TTC23: variants seen among roughly 807,000 people sequenced by gnomAD.
TTC23 encodes tetratricopeptide repeat domain 23, also known as tetratricopeptide repeat protein 23.
In TTC23, 58 loss-of-function variants were observed where a neutral mutation model predicts 55.1. The observed-to-expected ratio is 1.05, with a 90% CI of 0.85 to 1.31. The LOEUF is 1.31. TTC23 is among the 50% of genes most tolerant of loss of function. The pLI, the probability that TTC23 is intolerant of heterozygous loss-of-function variation, is 0.00. For missense variants in TTC23, 516 were observed against 534.4 expected (o/e 0.97, Z 0.34); for synonymous variants, 203 against 199.9 (o/e 1.02, Z -0.13).
At chr15:99,175,657 C>G (rs1333478342) in intron 9 of TTC23, among the ~76,000 whole-genome samples, 1 of 152,230 alleles carries the variant, frequency 6.6e-6, no homozygotes, top group Non-Finnish European at 1.5e-5. Flanking sequence ...AGGGGAGCTG[C>G]CCAAGCACAG....
At chr15:99,152,277 G>C (rs2069882889) in intron 12 of TTC23, among the ~76,000 whole-genome samples, 1 of 152,200 alleles carries the variant, frequency 6.6e-6, no homozygotes, top group Admixed American at 6.5e-5. Flanking sequence ...CAGAAGCTGA[G>C]CAGATACCAG....
intron 9 of TTC23, among the ~76,000 whole-genome samples, chr15:99,199,404 CA>C (rs35189767): frequency 0.14 from 8,013 of 58,332 alleles, 187 homozygotes; most frequent in African/African-American, 0.26. Flanking sequence ...CCTGTCTCTC[CA>C]AAAAAAAAAA....
intron 9 of TTC23, among the ~76,000 whole-genome samples, chr15:99,184,601 T>C (rs570306280): frequency 1.3e-5 from 2 of 152,346 alleles, no homozygotes; most frequent in African/African-American, 4.8e-5. Flanking sequence ...TTACCCAATA[T>C]CTGTACCCCC....
chr15:99,187,791 T>A (rs2074860003), intron 9 of TTC23, among the ~76,000 whole-genome samples: 1 of 152,050 alleles, frequency 6.6e-6, no homozygotes, highest in East Asian at 1.9e-4. Context: ...CACAATGAGA[T>A]ATCACTTCAT....
chr15:99,244,260 A>G (rs949082334), intron 2 of TTC23, among the ~76,000 whole-genome samples: 1 of 152,226 alleles, frequency 6.6e-6, no homozygotes, highest in African/African-American at 2.4e-5. Flanking sequence ...CACCACCTGT[A>G]GTCAAAGTTG....
intron 10 of TTC23, among the ~76,000 whole-genome samples, chr15:99,172,211 T>A (rs1336335319): frequency 6.6e-6 from 1 of 151,438 alleles, no homozygotes; most frequent in Non-Finnish European, 1.5e-5. Context: ...AGAGACGGGG[T>A]TTCATTATGC....
intron 2 of TTC23, among the ~76,000 whole-genome samples, chr15:99,243,530 T>C (rs1242096567): frequency 1.3e-5 from 2 of 152,210 alleles, no homozygotes; most frequent in Non-Finnish European, 2.9e-5. Flanking sequence ...ATCAGAGATA[T>C]CTGCACTCCC....
intron 9 of TTC23, 28 bp downstream of exon 9, chr15:99,199,891 C>A: frequency 6.3e-7 from 1 of 1,591,898 alleles, no homozygotes; most frequent in Non-Finnish European, 8.5e-7. Context: ...CCTAGAACAG[C>A]TTTGGTAGCC....
At chr15:99,225,781 C>T (rs1051814892) in intron 5 of TTC23, among the ~76,000 whole-genome samples, 3 of 152,146 alleles carry the variant, frequency 2.0e-5, no homozygotes, top group Non-Finnish European at 4.4e-5. Flanking sequence ...TATACATAGT[C>T]TCAGTGAATC....
intron 8 of TTC23, among the ~76,000 whole-genome samples, chr15:99,204,981 G>A (rs956015083): frequency 6.6e-6 from 1 of 152,114 alleles, no homozygotes; most frequent in African/African-American, 2.4e-5. Context: ...TGCATATAGC[G>A]AGAACTAGGG....
intron 12 of TTC23, among the ~76,000 whole-genome samples, chr15:99,153,018 C>T (rs1373984469): frequency 1.3e-5 from 2 of 152,176 alleles, no homozygotes; most frequent in Non-Finnish European, 2.9e-5. Flanking sequence ...AAGCTGGTCT[C>T]GAACTCCTGG....
intron 9 of TTC23, among the ~76,000 whole-genome samples, chr15:99,175,720 C>T (rs987057582): frequency 6.6e-6 from 1 of 152,222 alleles, no homozygotes; most frequent in Non-Finnish European, 1.5e-5. Context: ...GTTGCCCAGG[C>T]GCGGTGGCTC....
intron 10 of TTC23, among the ~76,000 whole-genome samples, chr15:99,164,633 T>C (rs979811726): frequency 1.3e-5 from 2 of 152,282 alleles, no homozygotes; most frequent in Admixed American, 6.5e-5. Flanking sequence ...GGTTATTCCC[T>C]TCTATCATTT....
intron 12 of TTC23, chr15:99,144,822 T>C (rs1555492182): frequency 6.6e-6 from 1 of 152,218 alleles, no homozygotes; most frequent in Non-Finnish European, 1.5e-5. Flanking sequence ...CTGAAATCAC[T>C]ACTCTTCTTT....
intron 9 of TTC23, among the ~76,000 whole-genome samples, chr15:99,185,785 A>T (rs1474866796): frequency 6.6e-6 from 1 of 152,120 alleles, no homozygotes; most frequent in East Asian, 1.9e-4. Context: ...AGAGGGAGGG[A>T]TGAGGTAGAT....
At chr15:99,191,664 T>C (rs2075262049) in intron 9 of TTC23, among the ~76,000 whole-genome samples, 1 of 152,206 alleles carries the variant, frequency 6.6e-6, no homozygotes, top group Admixed American at 6.5e-5. Flanking sequence ...CAATTAAAAC[T>C]CTTTCTTCTG....
chr15:99,183,994 G>A (rs912685300), intron 9 of TTC23, among the ~76,000 whole-genome samples: 26 of 152,196 alleles, frequency 1.7e-4, no homozygotes, highest in African/African-American at 5.3e-4. Flanking sequence ...CAAAGGTACA[G>A]CTTGGGTGTG....
At chr15:99,243,878 G>C (rs1319713046) in intron 2 of TTC23, among the ~76,000 whole-genome samples, 2 of 152,128 alleles carry the variant, frequency 1.3e-5, no homozygotes, top group Non-Finnish European at 2.9e-5. Context: ...ACAAAACGTA[G>C]TTAGATAGAA....
chr15:99,151,867 C>G (rs1191240961), intron 12 of TTC23, among the ~76,000 whole-genome samples: 2 of 152,200 alleles, frequency 1.3e-5, no homozygotes, highest in African/African-American at 2.4e-5. Flanking sequence ...ACTAAAAATA[C>G]AAAATATCTC....
Sources: gnomAD v4.1 joint callset for allele counts (sites outside exome capture counted in the v4.1 genomes callset) on GRCh38, gnomAD v4.1.1 for gene constraint, MANE v1.5 for transcripts, NCBI Gene and HGNC (gene_info 2026-07-23, HGNC 2026-07-21) for gene names.